DST: variants seen among roughly 807,000 people sequenced by gnomAD.
DST encodes the protein bullous pemphigoid antigen.
In DST, 253 loss-of-function variants were observed where a neutral mutation model predicts 875.2. That is an observed-to-expected ratio of 0.29 (90% CI 0.26 to 0.32). The LOEUF (loss-of-function observed/expected upper bound fraction) is 0.32, where lower values mean the gene tolerates loss of function less well. DST is among the 10% of genes least tolerant of loss of function. DST has a pLI of 1.00. For missense variants in DST, 8,287 were observed against 9,111.6 expected, an observed-to-expected ratio of 0.91 and a Z score of 3.68; for synonymous variants, 3,124 against 3,197.1, an observed-to-expected ratio of 0.98 and a Z score of 0.77.
chr6:56,626,449 G>A (rs2098735804), intron 34 of DST, among the ~76,000 whole-genome samples: 2 of 152,152 alleles, frequency 1.3e-5, no homozygotes, highest in South Asian at 2.1e-4. Flanking sequence ...ATTCAGTACA[G>A]TAACATGCTG....
At chr6:56,897,305 TG>T (rs145216598) in intron 3 of DST, among the ~76,000 whole-genome samples, 21,587 of 137,084 alleles carry the variant, frequency 0.16, 1,993 homozygotes, top group Middle Eastern at 0.25. Context: ...GGTTTTTTTT[TG>T]GGGGGGGGGT....
chr6:56,681,182 C>A (rs2099155548), intron 9 of DST, among the ~76,000 whole-genome samples: 1 of 152,102 alleles, frequency 6.6e-6, no homozygotes, highest in Non-Finnish European at 1.5e-5. Context: ...ATTCCTAGCT[C>A]AGAGAATGGC....
intron 10 of DST, among the ~76,000 whole-genome samples, chr6:56,652,659 C>A (rs2098983247): frequency 6.6e-6 from 1 of 152,176 alleles, no homozygotes; most frequent in Non-Finnish European, 1.5e-5. Flanking sequence ...AGAAAACAGA[C>A]CTTTCAAGAA....
chr6:56,669,097 C>T (rs2099086414), intron 10 of DST, among the ~76,000 whole-genome samples: 3 of 151,668 alleles, frequency 2.0e-5, no homozygotes, highest in Admixed American at 1.3e-4. Context: ...TGAGAGAACA[C>T]GAGTATAGCA....
intron 3 of DST, among the ~76,000 whole-genome samples, chr6:56,875,169 A>T (rs1052218152): frequency 2.0e-5 from 3 of 152,148 alleles, no homozygotes; most frequent in Admixed American, 2.0e-4. Flanking sequence ...TATTTTTAAT[A>T]GAGACGGGGT....
In DST at chr6:56,616,545, G is replaced by A. The variant is rs770480438; in HGVS notation, c.4930-2061C>T. 18 of 1,614,102 alleles carry A rather than the reference G, an allele frequency of 1.1e-5. No individual in the cohort carries two copies. Among genetic ancestry groups the A allele is most frequent in the Admixed American group, 6.7e-5 (4 of 60,000 alleles). Reference sequence around the variant, plus strand: ...GACTCTACATCAAATACACACATTCGCAGTAATTCTGAGTAATACAGAGCT... The same window carrying A: ...GACTCTACATCAAATACACACATTCACAGTAATTCTGAGTAATACAGAGCT... On this transcript the variant is annotated intron_variant, in intron 36 of 103. Coordinates refer to ENST00000680361, the MANE Select transcript of DST (RefSeq NM_001374736.1).
At chr6:56,619,966 A>C in intron 36 of DST, 1 of 1,613,770 alleles carries the variant, frequency 6.2e-7, no homozygotes, top group Non-Finnish European at 8.5e-7. Context: ...TCTGCTTGTC[A>C]TGTTCTTGCT....
chr6:56,819,723 G>A (rs1490020099), intron 4 of DST, among the ~76,000 whole-genome samples: 1 of 151,404 alleles, frequency 6.6e-6, no homozygotes, highest in African/African-American at 2.4e-5. Flanking sequence ...AACATTTATA[G>A]AGGCACTCTG....
At chr6:56,778,225 C>A (rs1397169532) in intron 4 of DST, among the ~76,000 whole-genome samples, 2 of 151,852 alleles carry the variant, frequency 1.3e-5, no homozygotes, top group Admixed American at 6.6e-5. Flanking sequence ...TAAGCAACAC[C>A]ATGAATTAGG....
intron 4 of DST, among the ~76,000 whole-genome samples, chr6:56,785,452 G>A (rs2099703246): frequency 6.6e-6 from 1 of 151,996 alleles, no homozygotes; most frequent in Non-Finnish European, 1.5e-5. Flanking sequence ...CCGCCTTGCA[G>A]TTTGATCTCA....
At chr6:56,768,147 T>C (rs1312595500) in intron 4 of DST, among the ~76,000 whole-genome samples, 5 of 152,162 alleles carry the variant, frequency 3.3e-5, no homozygotes, top group African/African-American at 4.8e-5. Context: ...AAGGTAACCA[T>C]TGTGTACCGA....
At position 56,610,450 on chromosome 6, in the gene DST, C is replaced by T; in HGVS notation, c.5260G>A (p.Gly1754Arg). 1 of 1,563,884 alleles carries T rather than the reference C, an allele frequency of 6.4e-7. No homozygotes were observed. The highest frequency in any genetic ancestry group is 8.7e-7 in the Non-Finnish European group (1 of 1,152,878). ...LKQLQESQTS[G>R]DVKVEEKLDK... ...ACCTTCTCCTCTACCTTTACATCTC[C>T]TGAGGTTTGTGATTCTTGTAGCTGT... Residue 1754 changes from glycine (G) to arginine (R), a missense_variant, in exon 39 of 104, where the codon GGA (glycine) becomes AGA (arginine). Physicochemically the swap from Gly to Arg is moderately radical, Grantham distance 125 (BLOSUM62 -2). Coordinates refer to ENST00000680361, the MANE Select transcript of DST (RefSeq NM_001374736.1).
chr6:56,868,499 A>G (rs948754579), intron 3 of DST, among the ~76,000 whole-genome samples: 1 of 152,220 alleles, frequency 6.6e-6, no homozygotes, highest in Non-Finnish European at 1.5e-5. Flanking sequence ...GATATTGTGT[A>G]TTGAGTAGCA....
At position 56,572,749 on chromosome 6, in the gene DST, G is replaced by C. The variant is rs201394299; in HGVS notation, c.13552C>G (p.Gln4518Glu). ...CCTGAGTAGTAAGGGAGGCATACCT[G>C]CATATACTGAGACAATTCAGTAACA... ...KDVTELSQYM[Q>E]ESTSEFLEHK... Residue 4518 changes from glutamine to glutamate, a missense_variant and splice_region_variant, in exon 52 of 104, where the codon CAG (glutamine) becomes GAG (glutamate). Transcript: ENST00000680361. 1 of 1,580,334 alleles carries C rather than the reference G, an allele frequency of 6.3e-7. No homozygotes were observed. Among genetic ancestry groups the C allele is most frequent in the Non-Finnish European group, 8.6e-7 (1 of 1,165,378 alleles).
At chr6:56,619,347 C>T in intron 36 of DST, 1 of 1,613,502 alleles carries the variant, frequency 6.2e-7, no homozygotes, top group Non-Finnish European at 8.5e-7. Context: ...TTACTTTTCT[C>T]CAATTCTTCA....
chr6:56,851,612 G>C lies in DST; in HGVS notation c.418-8C>G. The C allele has an allele frequency of 6.2e-7, 1 of 1,612,656 alleles. No individual in the cohort carries two copies. The highest frequency in any genetic ancestry group is 8.5e-7 in the Non-Finnish European group (1 of 1,179,164). On this transcript the variant is annotated splice_polypyrimidine_tract_variant and splice_region_variant and intron_variant, in intron 3 of 103. Coordinates refer to ENST00000680361, the MANE Select transcript of DST (RefSeq NM_001374736.1). ...GGACGCGTTCCCGGAACTCTACAGA[G>C]AATGACACAGAAAAAGCATTAACAG...
chr6:56,572,218 G>A lies in DST; in HGVS notation c.13603C>T (p.His4535Tyr), dbSNP rs2097789918. 1 of 1,576,822 alleles carries A rather than the reference G, an allele frequency of 6.3e-7. No homozygotes were observed. Among genetic ancestry groups the A allele is most frequent in the African/African-American group, 1.3e-5 (1 of 74,406 alleles). ...LEHKKHLEVL[H>Y]SLLKEISSHG... ...CTGGATATCTCCTTCAAGAGACTAT[G>A]CAAAACTTCAAGATGTTTCTTGTGT... The change falls in exon 53 of 104, where the codon CAT becomes TAT. Residue 4535 changes from histidine (H) to tyrosine (Y), a missense_variant. Physicochemically the swap from His to Tyr is moderately conservative, Grantham distance 83. Around this residue, in one of 10 missense-constraint regions of DST, gnomAD observed 1,513 missense variants for 1,677.8 expected, o/e 0.90. Coordinates refer to ENST00000680361, the MANE Select transcript of DST (RefSeq NM_001374736.1).
Position 56,609,266 on chromosome 6 carries a change from G to A in DST, c.5362C>T (p.Leu1788Phe). 1.2e-6 allele frequency: 2 copies of A among 1,613,572 alleles called. No homozygotes were observed. Among genetic ancestry groups the A allele is most frequent in the South Asian group, 1.1e-5 (1 of 91,066 alleles). ...CTAATTCCTGTGTCATAGTCAATGA[G>A]GCCTCTTAAAACTGCTTGAAAGACT... ...LSVFQAVLRG[L>F]IDYDTGIRLL... The change falls in exon 40 of 104, where the codon CTC becomes TTC. Residue 1788 changes from leucine to phenylalanine, a missense_variant. Physicochemically the swap from Leu to Phe is conservative, Grantham distance 22. Transcript: ENST00000680361.
intron 9 of DST, among the ~76,000 whole-genome samples, chr6:56,676,464 G>C (rs956119866): frequency 5.9e-5 from 9 of 151,990 alleles, no homozygotes; most frequent in Non-Finnish European, 1.5e-5. Context: ...CAGTATAGAG[G>C]TGCCCAAAAA....
Sources: allele counts gnomAD v4.1 joint callset (sites outside exome capture counted in the v4.1 genomes callset), GRCh38; gene constraint gnomAD v4.1.1; regional missense constraint gnomAD v4.1.1; transcripts MANE v1.5; gene names NCBI Gene and HGNC (gene_info 2026-07-23, HGNC 2026-07-21).